The following NFIA variants were observed in gnomAD, a reference collection of about 807,000 sequenced individuals.
NFIA encodes the protein nuclear factor I A.
NFIA carries 8 observed loss-of-function variants against 62.8 expected under a neutral mutation model. That is an observed-to-expected ratio of 0.13 (90% CI 0.07 to 0.23). The LOEUF (loss-of-function observed/expected upper bound fraction) is 0.23. Among genes scored for constraint, NFIA ranks in the 10% least tolerant of loss-of-function variants. NFIA has a pLI of 1.00. For missense variants in NFIA, 410 were observed against 642.1 expected, an observed-to-expected ratio of 0.64 and a Z score of 3.91; for synonymous variants, 235 against 238.1, an observed-to-expected ratio of 0.99 and a Z score of 0.12.
At chr1:61,130,053 A>T (rs780580745) in intron 2 of NFIA, among the ~76,000 whole-genome samples, 1 of 152,140 alleles carries the variant, frequency 6.6e-6, no homozygotes. Context: ...CTTTTTTTCC[A>T]GATAGCTAAA....
At chr1:61,410,797 C>T (rs1400246809) in intron 9 of NFIA, among the ~76,000 whole-genome samples, 1 of 152,044 alleles carries the variant, frequency 6.6e-6, no homozygotes, top group Non-Finnish European at 1.5e-5. Context: ...GTTTCAGCTA[C>T]TTGGGAGGCT....
At chr1:61,093,847 A>T (rs1373854926) in intron 2 of NFIA, among the ~76,000 whole-genome samples, 1 of 152,208 alleles carries the variant, frequency 6.6e-6, no homozygotes, top group Admixed American at 6.5e-5. Flanking sequence ...CCACCCTGTG[A>T]TGAATAGCAT....
chr1:61,177,098 T>C, intron 2 of NFIA, among the ~76,000 whole-genome samples: 1 of 142,466 alleles, frequency 7.0e-6, no homozygotes, highest in South Asian at 2.2e-4. Flanking sequence ...AGAGCGAGAC[T>C]CTGTCTCAAC....
At chr1:61,415,936 A>G (rs1490169576) in intron 9 of NFIA, among the ~76,000 whole-genome samples, 1 of 152,182 alleles carries the variant, frequency 6.6e-6, no homozygotes, top group Non-Finnish European at 1.5e-5. Context: ...TGAAATACCT[A>G]CCAACTGAGT....
At chr1:61,220,053 A>G (rs1339582116) in intron 2 of NFIA, among the ~76,000 whole-genome samples, 1 of 152,200 alleles carries the variant, frequency 6.6e-6, no homozygotes, top group Admixed American at 6.5e-5. Context: ...TCCCATCGGC[A>G]TTTTCCGCCA....
chr1:61,138,417 G>T (rs1002120375), intron 2 of NFIA, among the ~76,000 whole-genome samples: 1 of 151,956 alleles, frequency 6.6e-6, no homozygotes, highest in African/African-American at 2.4e-5. Context: ...AAAATACAGT[G>T]GTTTTACCCC....
intron 2 of NFIA, among the ~76,000 whole-genome samples, chr1:61,215,018 A>G (rs1307863616): frequency 6.6e-6 from 1 of 151,330 alleles, no homozygotes; most frequent in Non-Finnish European, 1.5e-5. Context: ...ACTTCATAGT[A>G]CCACTTCTTC....
intron 6 of NFIA, among the ~76,000 whole-genome samples, chr1:61,362,987 C>T (rs1472768879): frequency 6.6e-6 from 1 of 152,198 alleles, no homozygotes; most frequent in African/African-American, 2.4e-5. Context: ...TTGGGTCAGA[C>T]ACTCATGTTG....
chr1:61,363,429 AC>A (rs1475232599), intron 6 of NFIA, among the ~76,000 whole-genome samples: 4 of 152,036 alleles, frequency 2.6e-5, no homozygotes, highest in African/African-American at 9.7e-5. Context: ...ACATGGAGAA[AC>A]CCCATCTCTA....
At chr1:61,329,257 A>G (rs1379667157) in intron 3 of NFIA, among the ~76,000 whole-genome samples, 4 of 150,038 alleles carry the variant, frequency 2.7e-5, no homozygotes, top group Non-Finnish European at 5.9e-5. Flanking sequence ...CGTATTAGCC[A>G]GGATGGTCTT....
intron 2 of NFIA, among the ~76,000 whole-genome samples, chr1:61,258,415 A>T (rs188535969): frequency 8.9e-4 from 136 of 152,250 alleles, no homozygotes; most frequent in African/African-American, 3.1e-3. Flanking sequence ...GGACTTTTTC[A>T]TATTGTATTT....
intron 2 of NFIA, among the ~76,000 whole-genome samples, chr1:61,120,126 T>G (rs1440699441): frequency 6.6e-6 from 1 of 152,202 alleles, no homozygotes; most frequent in South Asian, 2.1e-4. Context: ...TTGGTTTAAA[T>G]CTTGTGGTGT....
At chr1:61,432,619 A>G (rs1402150956) in intron 10 of NFIA, among the ~76,000 whole-genome samples, 1 of 149,354 alleles carries the variant, frequency 6.7e-6, no homozygotes, top group Non-Finnish European at 1.5e-5. Context: ...ATACACACAC[A>G]CACACGTACA....
intron 5 of NFIA, 89 bp downstream of exon 5, chr1:61,352,656 C>T (rs970903187): frequency 8.3e-5 from 84 of 1,006,456 alleles, no homozygotes; most frequent in Non-Finnish European, 1.2e-4. Context: ...TTTAGCAATG[C>T]GCCTTTAGTA....
intron 5 of NFIA, among the ~76,000 whole-genome samples, chr1:61,354,500 A>C (rs1217047073): frequency 6.6e-6 from 1 of 152,190 alleles, no homozygotes; most frequent in Non-Finnish European, 1.5e-5. Context: ...TTTATTCTTC[A>C]CAATAATTTG....
intron 2 of NFIA, among the ~76,000 whole-genome samples, chr1:61,114,539 A>G (rs1280670896): frequency 6.6e-6 from 1 of 152,102 alleles, no homozygotes; most frequent in Non-Finnish European, 1.5e-5. Context: ...GAGGAAAATT[A>G]TTTCCAGATT....
intron 4 of NFIA, among the ~76,000 whole-genome samples, chr1:61,348,138 C>A (rs1372775526): frequency 6.6e-6 from 1 of 152,170 alleles, no homozygotes; most frequent in Non-Finnish European, 1.5e-5. Flanking sequence ...AATACCCAAC[C>A]CAATGCAAGG....
chr1:61,392,493 C>T (rs764602997), intron 7 of NFIA, among the ~76,000 whole-genome samples: 2 of 151,844 alleles, frequency 1.3e-5, no homozygotes, highest in Non-Finnish European at 2.9e-5. Flanking sequence ...TGGAACTATC[C>T]TAAATTAACT....
intron 2 of NFIA, among the ~76,000 whole-genome samples, chr1:61,265,875 T>C (rs1657129701): frequency 6.6e-6 from 1 of 152,218 alleles, no homozygotes; most frequent in Admixed American, 6.5e-5. Context: ...TAGTGGGCTA[T>C]TTGCGGTCAT....
Sources: allele counts gnomAD v4.1 joint callset (sites outside exome capture counted in the v4.1 genomes callset), GRCh38; gene constraint gnomAD v4.1.1; transcripts MANE v1.5; gene names NCBI Gene and HGNC (gene_info 2026-07-23, HGNC 2026-07-21).